ARAP2: variants seen among roughly 807,000 people sequenced by gnomAD.
ARAP2 encodes the protein arf-GAP with Rho-GAP domain, ANK repeat and PH domain-containing protein 2.
In ARAP2, 148 loss-of-function variants were observed where a neutral mutation model predicts 194.5. The observed-to-expected ratio is 0.76, with a 90% confidence interval of 0.67 to 0.87. The LOEUF (loss-of-function observed/expected upper bound fraction) is 0.87. Among genes scored for constraint, ARAP2 ranks in the 40% least tolerant of loss-of-function variants. The pLI, the probability that ARAP2 is intolerant of heterozygous loss-of-function variation, is 0.00. For synonymous variants in ARAP2, 695 were observed against 683.5 expected (o/e 1.02, Z -0.26); for missense variants, 2,128 against 1,989.7 (o/e 1.07, Z -1.32).
intron 14 of ARAP2, 24 bp from the exon 15 acceptor site, chr4:36,158,888 C>T: frequency 6.4e-7 from 1 of 1,564,696 alleles, no homozygotes; most frequent in Non-Finnish European, 8.6e-7. Context: ...AGAAATAAGG[C>T]ACAAGAAATC....
intron 1 of ARAP2, among the ~76,000 whole-genome samples, chr4:36,059,082 A>T (rs1383957611): frequency 2.0e-5 from 3 of 152,198 alleles, no homozygotes. Context: ...TGCTTATAGC[A>T]AAGTGAGTGA....
chr4:36,238,340 G>A (rs1236612710), intron 1 of ARAP2, among the ~76,000 whole-genome samples: 2 of 152,094 alleles, frequency 1.3e-5, no homozygotes, highest in Non-Finnish European at 2.9e-5. Flanking sequence ...ATTTTTGTAG[G>A]ACCTCATTTA....
intron 15 of ARAP2, among the ~76,000 whole-genome samples, chr4:36,156,918 T>A (rs990071267): frequency 1.3e-5 from 2 of 152,206 alleles, no homozygotes; most frequent in African/African-American, 4.8e-5. Context: ...CTTTTTTAAA[T>A]AAATTTTAAC....
chr4:36,138,915 G>T (rs975974499), intron 19 of ARAP2, among the ~76,000 whole-genome samples: 3 of 151,588 alleles, frequency 2.0e-5, no homozygotes, highest in African/African-American at 7.3e-5. Flanking sequence ...GTTTTAATTT[G>T]TATTTCTCTG....
chr4:36,059,932 G>C (rs145000675), intron 1 of ARAP2, among the ~76,000 whole-genome samples: 1 of 152,212 alleles, frequency 6.6e-6, no homozygotes, highest in African/African-American at 2.4e-5. Flanking sequence ...AAGGTTCAAA[G>C]AAAGAATGAG....
intron 2 of ARAP2, among the ~76,000 whole-genome samples, chr4:36,227,320 T>C (rs975365085): frequency 1.3e-5 from 2 of 152,176 alleles, no homozygotes; most frequent in Non-Finnish European, 2.9e-5. Flanking sequence ...ATGACACTAG[T>C]TGTTTAATAA....
At chr4:36,076,287 A>C (rs1156420252) in intron 31 of ARAP2, among the ~76,000 whole-genome samples, 1 of 152,054 alleles carries the variant, frequency 6.6e-6, no homozygotes, top group Non-Finnish European at 1.5e-5. Context: ...ATGTCTGTTC[A>C]GGGCCTCTGC....
intron 2 of ARAP2, among the ~76,000 whole-genome samples, chr4:36,221,062 A>G (rs1286868871): frequency 6.6e-6 from 1 of 152,034 alleles, no homozygotes; most frequent in Admixed American, 6.6e-5. Flanking sequence ...TTTTTACTGT[A>G]CCTTTTCTAT....
At chr4:36,241,587 T>C (rs1489209879) in intron 1 of ARAP2, among the ~76,000 whole-genome samples, 1 of 152,126 alleles carries the variant, frequency 6.6e-6, no homozygotes, top group African/African-American at 2.4e-5. Context: ...AGATGAGACA[T>C]GACTATAAGA....
chr4:36,218,391 A>C (rs1748445691), intron 2 of ARAP2, among the ~76,000 whole-genome samples: 1 of 152,188 alleles, frequency 6.6e-6, no homozygotes, highest in Admixed American at 6.5e-5. Context: ...CCTGTGACAC[A>C]AGTTTACTTA....
In ARAP2 at chr4:36,071,127, A is replaced by G. The variant is rs74383069; in HGVS notation, c.4743+2562T>C. On this transcript the variant is annotated intron_variant, in intron 32 of 32. Transcript: ENST00000303965. Reference sequence around the variant, plus strand: ...ATTGCTGTTAAAATAGCAATTTTGAAAAAAACTAATGAATTATTCCATATC... The same window carrying G: ...ATTGCTGTTAAAATAGCAATTTTGAGAAAAACTAATGAATTATTCCATATC... 1.3e-3 allele frequency among the ~76,000 whole-genome samples: 200 copies of G among 152,316 alleles called. 1 individual carries two copies. The highest frequency in any genetic ancestry group is 4.7e-3 in the African/African-American group (195 of 41,568).
intron 2 of ARAP2, among the ~76,000 whole-genome samples, chr4:36,055,286 T>C (rs992759351): frequency 6.6e-6 from 1 of 152,226 alleles, no homozygotes; most frequent in Non-Finnish European, 1.5e-5. Flanking sequence ...ATCTGCTTTA[T>C]TTGGAATGTG....
intron 15 of ARAP2, chr4:36,157,639 T>C (rs959856780): frequency 6.6e-6 from 1 of 152,192 alleles, no homozygotes; most frequent in African/African-American, 2.4e-5. Context: ...ACATCAACGA[T>C]CTTGCAGACT....
chr4:36,107,014 G>T (rs181700010), intron 27 of ARAP2, among the ~76,000 whole-genome samples: 26 of 151,954 alleles, frequency 1.7e-4, no homozygotes, highest in Admixed American at 5.2e-4. Context: ...GTTCAGAAAT[G>T]GTCTTATATA....
chr4:36,056,185 C>A (rs1428959986), intron 2 of ARAP2, among the ~76,000 whole-genome samples: 1 of 152,102 alleles, frequency 6.6e-6, no homozygotes, highest in Non-Finnish European at 1.5e-5. Flanking sequence ...ATCAATGTAA[C>A]CATTTGTATA....
intron 2 of ARAP2, among the ~76,000 whole-genome samples, chr4:36,223,089 G>T (rs1749517746): frequency 2.0e-5 from 3 of 152,056 alleles, no homozygotes. Flanking sequence ...ATACGTCATT[G>T]TTGAGGGGCT....
intron 3 of ARAP2, among the ~76,000 whole-genome samples, chr4:36,051,273 G>A (rs1039814918): frequency 6.6e-6 from 1 of 152,120 alleles, no homozygotes; most frequent in Non-Finnish European, 1.5e-5. Context: ...AGGCTGAGGA[G>A]CTCGAGACAA....
intron 6 of ARAP2, among the ~76,000 whole-genome samples, chr4:36,206,624 ACT>A (rs993964029): frequency 2.0e-5 from 3 of 152,172 alleles, no homozygotes; most frequent in Non-Finnish European, 4.4e-5. Context: ...TAACCTCAGG[ACT>A]CTGTATTCTG....
chr4:36,013,482 G>T (rs1400164824), intron 8 of ARAP2, among the ~76,000 whole-genome samples: 1 of 152,166 alleles, frequency 6.6e-6, no homozygotes, highest in African/African-American at 2.4e-5. Flanking sequence ...GAAAGGAAGA[G>T]ACCATGAGCA....
Sources: gnomAD v4.1 joint callset for allele counts (sites outside exome capture counted in the v4.1 genomes callset) on GRCh38, gnomAD v4.1.1 for gene constraint, MANE v1.5 for transcripts, NCBI Gene and HGNC (gene_info 2026-07-23, HGNC 2026-07-21) for gene names.